Variants in PRKCA observed in about 807,000 individuals in gnomAD.
PRKCA encodes protein kinase C alpha type.
Under a neutral mutation model 87.0 loss-of-function variants are expected in PRKCA, and 27 were observed. That is an observed-to-expected ratio of 0.31 (90% CI 0.23 to 0.43). PRKCA has a LOEUF of 0.43. Among genes scored for constraint, PRKCA ranks in the 20% least tolerant of loss-of-function variants. The pLI is 1.00. For missense variants in PRKCA, 518 were observed against 852.3 expected (o/e 0.61, Z 4.88); for synonymous variants, 329 against 311.1 (o/e 1.06, Z -0.61).
At chr17:66,388,886 C>T (rs986788691) in intron 2 of PRKCA, among the ~76,000 whole-genome samples, 3 of 152,110 alleles carry the variant, frequency 2.0e-5, no homozygotes, top group Admixed American at 6.5e-5. Context: ...TACTCCAGTA[C>T]GTTGCTTCGG....
intron 3 of PRKCA, among the ~76,000 whole-genome samples, chr17:66,629,014 A>C (rs1970933750): frequency 1.3e-5 from 2 of 152,218 alleles, no homozygotes; most frequent in South Asian, 4.1e-4. Flanking sequence ...GGGCAACAAG[A>C]GTGAAACTCC....
intron 3 of PRKCA, among the ~76,000 whole-genome samples, chr17:66,627,642 A>G (rs1373979065): frequency 6.6e-6 from 1 of 152,344 alleles, no homozygotes; most frequent in East Asian, 1.9e-4. Flanking sequence ...ACCCAGTCAC[A>G]GCTATAAAAC....
chr17:66,720,116 A>C lies in PRKCA; in HGVS notation c.919-12572A>C, dbSNP rs565297936. 2.5e-4 allele frequency among the ~76,000 whole-genome samples: 38 copies of C among 152,310 alleles called. 1 individual carries two copies. In the South Asian group the frequency reaches 6.8e-3, roughly 27 times the overall value. ...ACAAGTAGAGAAATACAGGATTGGT[A>C]ATGAGAAGAGAGGGAGGGAGTATGC... On this transcript the variant is annotated intron_variant, in intron 8 of 16. Coordinates refer to ENST00000413366, the MANE Select transcript of PRKCA (RefSeq NM_002737.3).
chr17:66,384,289 T>G lies in PRKCA; in HGVS notation c.205+78162T>G, dbSNP rs1909927548. On this transcript the variant is annotated intron_variant, in intron 2 of 16. Transcript: ENST00000413366. ...TATAGTTTACTTGACTTTGAAGGCT[T>G]GATCAGGAATAAAACCTCCAATTAT... Among the ~76,000 whole-genome samples, 3 of 152,308 alleles carry G rather than the reference T, an allele frequency of 2.0e-5. No homozygotes were observed. In the South Asian group the frequency reaches 6.2e-4, roughly 32 times the overall value.
At position 66,696,760 on chromosome 17, in the gene PRKCA, C is replaced by T. The variant is rs142314662; in HGVS notation, c.918+7713C>T. On this transcript the variant is annotated intron_variant, in intron 8 of 16. Transcript: ENST00000413366. ...GTTTCTTAGAACCTGAAGCTAAACC[C>T]GAATTCTGCTATCTTGATGACATTT... is the stretch of plus-strand genomic sequence containing the variant. Among the ~76,000 whole-genome samples, 442 of 152,294 alleles carry T rather than the reference C, an allele frequency of 2.9e-3. 7 individuals are homozygous for T. Among genetic ancestry groups the T allele is most frequent in the Admixed American group, 0.028 (421 of 15,294 alleles).
intron 2 of PRKCA, among the ~76,000 whole-genome samples, chr17:66,475,849 T>C (rs1598703957): frequency 6.6e-6 from 1 of 152,130 alleles, no homozygotes; most frequent in African/African-American, 2.4e-5. Flanking sequence ...CCTCCCTAAT[T>C]GTGAGGGGTC....
intron 3 of PRKCA, among the ~76,000 whole-genome samples, chr17:66,552,605 T>C (rs1170940341): frequency 6.6e-6 from 1 of 152,210 alleles, no homozygotes; most frequent in East Asian, 1.9e-4. Flanking sequence ...CCTTGCCCCA[T>C]GGGCTCCTTG....
chr17:66,449,000 G>T (rs1188394022), intron 2 of PRKCA, among the ~76,000 whole-genome samples: 1 of 146,252 alleles, frequency 6.8e-6, no homozygotes, highest in East Asian at 2.0e-4. Flanking sequence ...AAAAAAAAAA[G>T]GTGGCCAGGT....
At chr17:66,564,128 G>A (rs1314824632) in intron 3 of PRKCA, among the ~76,000 whole-genome samples, 2 of 151,428 alleles carry the variant, frequency 1.3e-5, no homozygotes, top group Non-Finnish European at 2.9e-5. Context: ...GCCCAGGTTG[G>A]AGTGCAGTGG....
intron 2 of PRKCA, among the ~76,000 whole-genome samples, chr17:66,383,881 C>G (rs1428354277): frequency 6.6e-6 from 1 of 151,312 alleles, no homozygotes; most frequent in African/African-American, 2.4e-5. Flanking sequence ...ACCTGGGAGG[C>G]AGAGGTTGTA....
chr17:66,310,093 A>G (rs1448425063), intron 2 of PRKCA, among the ~76,000 whole-genome samples: 2 of 152,106 alleles, frequency 1.3e-5, no homozygotes, highest in Admixed American at 1.3e-4. Flanking sequence ...ACACCCATGC[A>G]CTTCTCTAAT....
At chr17:66,593,080 G>A (rs1350721120) in intron 3 of PRKCA, among the ~76,000 whole-genome samples, 1 of 152,168 alleles carries the variant, frequency 6.6e-6, no homozygotes, top group East Asian at 1.9e-4. Flanking sequence ...ATGAGCCACC[G>A]TGCCCGGCCC....
rs539335270 is a variant in PRKCA, at chr17:66,805,890, C to T, written c.*1853C>T. The T allele has an allele frequency of 6.6e-6, 1 of 152,384 alleles. No individual in the cohort carries two copies. The highest frequency in any genetic ancestry group is 2.1e-4 in the South Asian group (1 of 4,826). 9.4% of individuals were successfully genotyped at this position (152,384 alleles called of 1,614,324 possible). On this transcript the variant is annotated 3_prime_UTR_variant, in exon 17 of 17. Transcript: ENST00000413366. The stretch of plus-strand genomic sequence containing the variant: ...GGAGACTCCCCTCTTGCTGTGTGTA[C>T]TGGACACGCAGGAAGCATGCTGTCT...
intron 2 of PRKCA, among the ~76,000 whole-genome samples, chr17:66,428,899 T>C (rs1237208352): frequency 6.6e-6 from 1 of 152,206 alleles, no homozygotes; most frequent in African/African-American, 2.4e-5. Flanking sequence ...GGAGTCACTG[T>C]AAATTTAAAC....
intron 14 of PRKCA, among the ~76,000 whole-genome samples, chr17:66,785,236 G>C (rs1468643604): frequency 6.6e-6 from 1 of 152,106 alleles, no homozygotes; most frequent in Non-Finnish European, 1.5e-5. Context: ...AACAGGTTGA[G>C]GTGATTTGTG....
intron 3 of PRKCA, among the ~76,000 whole-genome samples, chr17:66,509,319 G>C (rs1040840971): frequency 2.6e-5 from 4 of 152,062 alleles, no homozygotes; most frequent in African/African-American, 9.7e-5. Flanking sequence ...CAATGGGATA[G>C]CACCAGTCTG....
At chr17:66,325,026 TC>T (rs1224317958) in intron 2 of PRKCA, among the ~76,000 whole-genome samples, 1 of 152,242 alleles carries the variant, frequency 6.6e-6, no homozygotes. Context: ...ACCCTGCTAG[TC>T]AGTGTTTCTA....
At chr17:66,375,140 G>A (rs969939470) in intron 2 of PRKCA, among the ~76,000 whole-genome samples, 4 of 152,122 alleles carry the variant, frequency 2.6e-5, no homozygotes, top group African/African-American at 9.7e-5. Context: ...CTGTATATTC[G>A]GTGGAAGATT....
intron 3 of PRKCA, among the ~76,000 whole-genome samples, chr17:66,631,340 C>A (rs1019055052): frequency 7.2e-5 from 11 of 152,042 alleles, no homozygotes; most frequent in African/African-American, 2.7e-4. Flanking sequence ...TAGGAAATAA[C>A]CTTATTTATA....
Sources: gnomAD v4.1 joint callset for allele counts (sites outside exome capture counted in the v4.1 genomes callset) on GRCh38, gnomAD v4.1.1 for gene constraint, MANE v1.5 for transcripts, NCBI Gene and HGNC (gene_info 2026-07-23, HGNC 2026-07-21) for gene names.